CDK12: variants seen among roughly 807,000 people sequenced by gnomAD.
The protein encoded by CDK12 is cyclin-dependent kinase 12.
A neutral mutation model predicts 133.8 loss-of-function variants in CDK12; 17 were observed. That is an observed-to-expected ratio of 0.13 (90% confidence interval 0.09 to 0.19). The LOEUF (loss-of-function observed/expected upper bound fraction) is 0.19, where lower values mean the gene tolerates loss of function less well. Among genes scored for constraint, CDK12 ranks in the 10% least tolerant of loss-of-function variants. CDK12 has a pLI of 1.00. For synonymous variants in CDK12, 694 were observed against 683.6 expected, an observed-to-expected ratio of 1.02 and a Z score of -0.24; for missense variants, 1,508 against 1,818.7, an observed-to-expected ratio of 0.83 and a Z score of 3.11.
downstream of CDK12, among the ~76,000 whole-genome samples, chr17:39,536,288 T>TA (rs1215492896): frequency 1.3e-5 from 2 of 152,230 alleles, no homozygotes; most frequent in Non-Finnish European, 2.9e-5. Context: ...TATTTAGAGT[T>TA]ACTGCTATTT....
chr17:39,464,863 G>A (rs1261888778), intron 1 of CDK12, among the ~76,000 whole-genome samples: 1 of 151,400 alleles, frequency 6.6e-6, no homozygotes, highest in Non-Finnish European at 1.5e-5. Context: ...GAGGTGGGAG[G>A]ATTGCTTGAG....
At chr17:39,517,658 G>A in intron 10 of CDK12, 102 bp downstream of exon 10, 2 of 685,464 alleles carry the variant, frequency 2.9e-6, no homozygotes, top group Non-Finnish European at 5.2e-6. Context: ...GTTTATCATG[G>A]CAACACAGTG....
chr17:39,533,773 T>C lies in CDK12; in HGVS notation c.*2457T>C, dbSNP rs1163154778. On this transcript the variant is annotated 3_prime_UTR_variant, in exon 14 of 14. Transcript: ENST00000447079. ...AAAATGAAAACAAAGTTTGGTAGTT[T>C]TGACTATTTCTAAAAGCAGAGGAGA... 1.3e-5 allele frequency: 3 copies of C among 232,714 alleles called. No homozygotes were observed. The highest frequency in any genetic ancestry group is 6.6e-5 in the African/African-American group (3 of 45,290). 14.4% of individuals were successfully genotyped at this position (232,714 alleles called of 1,614,324 possible).
chr17:39,520,004 T>C lies in CDK12; in HGVS notation c.3012T>C (p.Asp1004=), dbSNP rs376169441. ...TATTGGACCACATGCTGACACTAGA[T>C]CCTAGTAAGCGGTGCACAGCTGAAC... ...LDLLDHMLTL[D]PSKRCTAEQT... Residue 1004 remains aspartate (D), a synonymous_variant, in exon 11 of 14, where the codon GAT becomes GAC. Transcript: ENST00000447079. 1.2e-5 allele frequency: 19 copies of C among 1,613,878 alleles called. No individual in the cohort carries two copies. The highest frequency in any genetic ancestry group is 1.6e-5 in the Non-Finnish European group (19 of 1,179,906).
At chr17:39,539,885 C>G (rs562961021) in intron 1 of CDK12, among the ~76,000 whole-genome samples, 1 of 152,070 alleles carries the variant, frequency 6.6e-6, no homozygotes, top group African/African-American at 2.4e-5. Context: ...ATGTTTTGTG[C>G]AGAGGCTGTG....
Position 39,501,273 on chromosome 17 carries a change from T to C in CDK12, c.2443T>C (p.Tyr815His), listed in dbSNP as rs780465441. The C allele has an allele frequency of 6.2e-6, 10 of 1,604,788 alleles. No homozygotes were observed. The highest frequency in any genetic ancestry group is 5.9e-6 in the Non-Finnish European group (7 of 1,177,276). ...DKGAFYLVFE[Y>H]MDHDLMGLLE... Reference sequence around the variant, plus strand: ...AGGTGCCTTTTACCTTGTATTTGAGTATATGGACCATGACTTAATGGGACT... The same window carrying C: ...AGGTGCCTTTTACCTTGTATTTGAGCATATGGACCATGACTTAATGGGACT... Residue 815 changes from tyrosine (Y) to histidine (H), a missense_variant, in exon 6 of 14, where the codon TAT becomes CAT. Coordinates refer to ENST00000447079, the MANE Select transcript of CDK12 (RefSeq NM_016507.4).
intron 2 of CDK12, among the ~76,000 whole-genome samples, chr17:39,554,829 C>T (rs917012408): frequency 5.5e-5 from 8 of 145,456 alleles, no homozygotes; most frequent in African/African-American, 1.8e-4. Flanking sequence ...CAGTGATCTC[C>T]GAGTTGAGAT....
intron 5 of CDK12, 112 bp downstream of exon 5, chr17:39,494,806 G>C (rs1320778578): frequency 2.6e-6 from 2 of 774,400 alleles, no homozygotes; most frequent in Admixed American, 3.5e-5. Context: ...GTCTTGCTCT[G>C]TTGCCCAGGC....
In CDK12 at chr17:39,462,706, C is replaced by G. The variant is rs1479829513; in HGVS notation, c.635C>G (p.Thr212Arg). 1.2e-6 allele frequency: 2 copies of G among 1,614,206 alleles called. No homozygotes were observed. Among genetic ancestry groups the G allele is most frequent in the East Asian group, 2.2e-5 (1 of 44,878 alleles). The change falls in exon 1 of 14, where the codon ACA (threonine) becomes AGA (arginine). Residue 212 changes from threonine to arginine, a missense_variant. Physicochemically the swap from Thr to Arg is moderately conservative, Grantham distance 71. Coordinates refer to ENST00000447079, the MANE Select transcript of CDK12 (RefSeq NM_016507.4). ...RKRETPKSYK[T>R]VDSPKRRSRS... ...AGGGAAACACCCAAAAGTTACAAAA[C>G]AGTGGACAGCCCAAAACGGAGATCC... is the stretch of plus-strand genomic sequence containing the variant.
chr17:39,511,681 T>C lies in CDK12; in HGVS notation c.2768+51T>C, dbSNP rs1362780879. 6 of 1,198,192 alleles carry C rather than the reference T, an allele frequency of 5.0e-6. No homozygotes were observed. The Admixed American group carries it at 1.0e-4, about 21-fold the overall frequency. The allele number at this position is 1,198,192 out of a possible 1,614,324, so 74.2% of individuals were successfully genotyped here. A position where few individuals can be genotyped will look rare whatever the true frequency, so the allele number is the denominator to read the frequency against. On this transcript the variant is annotated intron_variant, in intron 8 of 13. Coordinates refer to ENST00000447079, the MANE Select transcript of CDK12 (RefSeq NM_016507.4). The stretch of plus-strand genomic sequence containing the variant: ...TGTCTGTAACTTACATACTGTTGAC[T>C]TGTACTTTGTTTTCTCTGTACACTG...
At chr17:39,539,365 T>TTTTTG (rs1317953517), downstream of CDK12, among the ~76,000 whole-genome samples, 1 of 152,214 alleles carries the variant, frequency 6.6e-6, no homozygotes, top group African/African-American at 2.4e-5. Flanking sequence ...TGTACTTGTT[T>TTTTTG]TTTTGTTTTG....
At chr17:39,474,684 T>C (rs182582285) in intron 2 of CDK12, among the ~76,000 whole-genome samples, 2 of 152,046 alleles carry the variant, frequency 1.3e-5, no homozygotes, top group African/African-American at 4.8e-5. Flanking sequence ...TCGTACCCTC[T>C]GTTCTTTAGA....
chr17:39,502,957 A>G (rs527472419), intron 6 of CDK12, among the ~76,000 whole-genome samples: 16 of 152,252 alleles, frequency 1.1e-4, no homozygotes, highest in African/African-American at 3.9e-4. Context: ...CCACTGAGGA[A>G]CTTAAACTTT....
At chr17:39,560,037 T>TA (rs749151505) in intron 3 of CDK12, among the ~76,000 whole-genome samples, 5 of 152,190 alleles carry the variant, frequency 3.3e-5, no homozygotes, top group Non-Finnish European at 5.9e-5. Context: ...CCGCAAGCAG[T>TA]GTTTCTGCCT....
At chr17:39,508,742 C>T (rs1369179084) in intron 6 of CDK12, among the ~76,000 whole-genome samples, 2 of 152,132 alleles carry the variant, frequency 1.3e-5, no homozygotes, top group Admixed American at 6.6e-5. Flanking sequence ...TGCCTGTACT[C>T]CCAGCCCTTT....
chr17:39,473,869 A>AGCCAGACTCCGTCTCAAATT (rs912787254), intron 2 of CDK12, among the ~76,000 whole-genome samples: 2 of 150,884 alleles, frequency 1.3e-5, no homozygotes, highest in Non-Finnish European at 3.0e-5. Context: ...TGGGCAACAG[A>AGCCAGACTCCGTCTCAAATT]GCCAGACTCC....
intron 10 of CDK12, among the ~76,000 whole-genome samples, chr17:39,517,966 C>T (rs1221069400): frequency 3.3e-5 from 5 of 151,632 alleles, no homozygotes; most frequent in African/African-American, 9.7e-5. Flanking sequence ...AATCCTCCCA[C>T]CTTAGCCTTC....
chr17:39,521,265 CTGTT>C (rs936589692), intron 11 of CDK12, among the ~76,000 whole-genome samples: 23 of 151,916 alleles, frequency 1.5e-4, no homozygotes, highest in Non-Finnish European at 2.1e-4. Context: ...CGTGCCTGGC[CTGTT>C]TGTTTGTTTG....
At chr17:39,556,261 CT>C (rs2056160108) in intron 2 of CDK12, 1 of 152,582 alleles carries the variant, frequency 6.6e-6, no homozygotes, top group Non-Finnish European at 1.5e-5. Context: ...CAACTGAGAG[CT>C]ATCCCTGTTT....
Sources: gnomAD v4.1 joint callset for allele counts (sites outside exome capture counted in the v4.1 genomes callset) on GRCh38, gnomAD v4.1.1 for gene constraint, MANE v1.5 for transcripts, NCBI Gene and HGNC (gene_info 2026-07-23, HGNC 2026-07-21) for gene names.